Variants in LHFPL3 observed in about 807,000 individuals in gnomAD.
The protein encoded by LHFPL3 is LHFPL tetraspan subfamily member 3.
Under a neutral mutation model 19.3 loss-of-function variants are expected in LHFPL3, and 5 were observed. The observed-to-expected ratio is 0.26, with a 90% CI of 0.14 to 0.54. The LOEUF (loss-of-function observed/expected upper bound fraction) is 0.54. Among genes scored for constraint, LHFPL3 ranks in the 20% least tolerant of loss-of-function variants. LHFPL3 has a pLI of 0.94. For missense variants in LHFPL3, 249 were observed against 307.4 expected, an observed-to-expected ratio of 0.81 and a Z score of 1.42; for synonymous variants, 133 against 126.2, an observed-to-expected ratio of 1.05 and a Z score of -0.36.
chr7:104,551,796 T>C (rs1213777166), intron 1 of LHFPL3, among the ~76,000 whole-genome samples: 1 of 152,178 alleles, frequency 6.6e-6, no homozygotes, highest in Non-Finnish European at 1.5e-5. Context: ...TGCTGGATAG[T>C]TCTCCCAGGG....
At chr7:104,390,120 G>C (rs1274060650) in intron 1 of LHFPL3, among the ~76,000 whole-genome samples, 1 of 151,406 alleles carries the variant, frequency 6.6e-6, no homozygotes, top group African/African-American at 2.4e-5. Flanking sequence ...TAAGGGTCTA[G>C]TATGCAGAAT....
chr7:104,695,071 G>T (rs577291513), intron 1 of LHFPL3, among the ~76,000 whole-genome samples: 1 of 152,184 alleles, frequency 6.6e-6, no homozygotes, highest in Non-Finnish European at 1.5e-5. Flanking sequence ...CCTTGGTCCT[G>T]CCAGCCTGAT....
At chr7:104,790,023 C>T (rs774405993) in intron 2 of LHFPL3, among the ~76,000 whole-genome samples, 2 of 152,264 alleles carry the variant, frequency 1.3e-5, no homozygotes, top group Non-Finnish European at 1.5e-5. Flanking sequence ...CTGATTTATC[C>T]TGCTAGGTTT....
intron 1 of LHFPL3, among the ~76,000 whole-genome samples, chr7:104,555,549 G>A (rs975473692): frequency 2.0e-5 from 3 of 152,118 alleles, no homozygotes; most frequent in African/African-American, 7.2e-5. Context: ...GCACAGGAAA[G>A]ACCCGCCCCC....
At chr7:104,550,562 A>G (rs969201171) in intron 1 of LHFPL3, among the ~76,000 whole-genome samples, 1 of 152,198 alleles carries the variant, frequency 6.6e-6, no homozygotes, top group African/African-American at 2.4e-5. Flanking sequence ...ATCGGCCAGA[A>G]AATGAAGAGC....
chr7:104,565,221 C>T (rs1790095814), intron 1 of LHFPL3, among the ~76,000 whole-genome samples: 1 of 152,072 alleles, frequency 6.6e-6, no homozygotes. Context: ...ATATTAAGTC[C>T]TGTGGAGATA....
chr7:104,444,509 T>C (rs766313723), intron 1 of LHFPL3, among the ~76,000 whole-genome samples: 1 of 152,198 alleles, frequency 6.6e-6, no homozygotes, highest in Non-Finnish European at 1.5e-5. Flanking sequence ...GAGCTCTGCA[T>C]CTCTATTGTG....
rs943412342 is a variant in LHFPL3 at position 104,682,365 on chromosome 7, C to T, written c.446-54310C>T. ...AGAAACGCAGAATCTCAGGCCCCAC[C>T]CCAGACCCACTGAACCGGAATCTGC... On this transcript the variant is annotated intron_variant, in intron 1 of 2. Coordinates refer to ENST00000424859, the MANE Select transcript of LHFPL3 (RefSeq NM_199000.3). 2.6e-5 allele frequency among the ~76,000 whole-genome samples: 4 copies of T among 152,258 alleles called. No homozygotes were observed. The East Asian group carries it at 5.8e-4, about 22-fold the overall frequency.
At chr7:104,832,695 G>A (rs889396757) in intron 2 of LHFPL3, among the ~76,000 whole-genome samples, 5 of 146,144 alleles carry the variant, frequency 3.4e-5, no homozygotes, top group South Asian at 4.3e-4. Context: ...CCCAGTCCTC[G>A]GATGGGCACG....
intron 2 of LHFPL3, among the ~76,000 whole-genome samples, chr7:104,890,224 G>A (rs2116704064): frequency 6.6e-6 from 1 of 152,254 alleles, no homozygotes; most frequent in Middle Eastern, 3.4e-3. Flanking sequence ...GGTCCCTTGA[G>A]CCCAGGATTT....
At chr7:104,555,580 C>G (rs138936144) in intron 1 of LHFPL3, among the ~76,000 whole-genome samples, 1 of 152,206 alleles carries the variant, frequency 6.6e-6, no homozygotes, top group Non-Finnish European at 1.5e-5. Flanking sequence ...CACCTCTCAT[C>G]GGGTTCCTCC....
At chr7:104,625,818 T>G (rs1791533658) in intron 1 of LHFPL3, among the ~76,000 whole-genome samples, 1 of 152,210 alleles carries the variant, frequency 6.6e-6, no homozygotes, top group South Asian at 2.1e-4. Context: ...ATGCACTGAA[T>G]ATGACCCTAT....
intron 2 of LHFPL3, among the ~76,000 whole-genome samples, chr7:104,865,451 G>A (rs953875998): frequency 5.3e-5 from 8 of 152,258 alleles, no homozygotes; most frequent in South Asian, 4.2e-4. Flanking sequence ...TAGCCGATTC[G>A]ATCAACTGGA....
intron 1 of LHFPL3, among the ~76,000 whole-genome samples, chr7:104,432,370 G>A (rs1174090716): frequency 6.6e-6 from 1 of 152,088 alleles, no homozygotes; most frequent in East Asian, 1.9e-4. Flanking sequence ...GCTGACTTGT[G>A]CCTCCTTCCT....
intron 1 of LHFPL3, among the ~76,000 whole-genome samples, chr7:104,527,219 A>G (rs1345090323): frequency 2.0e-5 from 3 of 152,168 alleles, no homozygotes; most frequent in African/African-American, 4.8e-5. Flanking sequence ...CTTGTAGGCT[A>G]TGTCATGGAA....
At chr7:104,738,005 G>A (rs909280344) in intron 2 of LHFPL3, among the ~76,000 whole-genome samples, 5 of 140,040 alleles carry the variant, frequency 3.6e-5, no homozygotes, top group Non-Finnish European at 8.0e-5. Flanking sequence ...GTTTATGCGG[G>A]TAAACTATGA....
At chr7:104,852,454 C>T (rs1791430357) in intron 2 of LHFPL3, among the ~76,000 whole-genome samples, 1 of 152,206 alleles carries the variant, frequency 6.6e-6, no homozygotes. Context: ...GGCTTTTGTC[C>T]AGAGAGCAAA....
intron 1 of LHFPL3, among the ~76,000 whole-genome samples, chr7:104,666,902 T>TA (rs1792364985): frequency 6.6e-6 from 1 of 152,172 alleles, no homozygotes; most frequent in South Asian, 2.1e-4. Flanking sequence ...CATCTGTTGA[T>TA]AGACAGGTTG....
intron 1 of LHFPL3, among the ~76,000 whole-genome samples, chr7:104,640,414 T>C (rs1266350433): frequency 6.6e-6 from 1 of 152,218 alleles, no homozygotes; most frequent in Non-Finnish European, 1.5e-5. Flanking sequence ...GGATGATAGT[T>C]TCCAGCTTCA....
Sources: allele counts gnomAD v4.1 joint callset (sites outside exome capture counted in the v4.1 genomes callset), GRCh38; gene constraint gnomAD v4.1.1; transcripts MANE v1.5; gene names NCBI Gene and HGNC (gene_info 2026-07-23, HGNC 2026-07-21).